DSTYK: variants seen among roughly 807,000 people sequenced by gnomAD.
DSTYK encodes the protein RIP-homologous kinase.
A neutral mutation model predicts 98.7 loss-of-function variants in DSTYK; 34 were observed. The ratio of observed to expected loss-of-function variants is 0.34; its 90% confidence interval spans 0.26 to 0.46. DSTYK has a LOEUF of 0.46. Among genes scored for constraint, DSTYK ranks in the 20% least tolerant of loss-of-function variants. The pLI is 1.00. For synonymous variants in DSTYK, 462 were observed against 457.3 expected, an observed-to-expected ratio of 1.01 and a Z score of -0.13; for missense variants, 962 against 1,181.7, an observed-to-expected ratio of 0.81 and a Z score of 2.73.
At chr1:205,198,961 A>G (rs1273505068) in intron 1 of DSTYK, among the ~76,000 whole-genome samples, 2 of 151,958 alleles carry the variant, frequency 1.3e-5, no homozygotes, top group Admixed American at 6.6e-5. Flanking sequence ...CCTCCCAGGC[A>G]CTAAAGCTCT....
intron 2 of DSTYK, among the ~76,000 whole-genome samples, chr1:205,180,611 T>C (rs991543207): frequency 6.6e-6 from 1 of 152,128 alleles, no homozygotes; most frequent in Non-Finnish European, 1.5e-5. Flanking sequence ...ACTACAGGCA[T>C]GTGCTACCAC....
intron 1 of DSTYK, among the ~76,000 whole-genome samples, chr1:205,196,400 T>C (rs1397134956): frequency 2.0e-5 from 3 of 151,912 alleles, no homozygotes; most frequent in South Asian, 2.1e-4. Context: ...CTACAAAAAA[T>C]TTAAAAATTA....
Position 205,196,513 on chromosome 1 carries a change from T to C in DSTYK, c.266-8707A>G, listed in dbSNP as rs112120241. Among the ~76,000 whole-genome samples the C allele has an allele frequency of 8.6e-3, 1,303 of 152,218 alleles. 21 individuals are homozygous for C. The highest frequency in any genetic ancestry group is 0.03 in the African/African-American group (1,247 of 41,526). The stretch of plus-strand genomic sequence containing the variant: ...AGGCTGCAGTGAGCTATGATCACAC[T>C]ACTGCGCTCCATCCAGCCTGGGTAA... On this transcript the variant is annotated intron_variant, in intron 1 of 12. Coordinates refer to ENST00000367162, the MANE Select transcript of DSTYK (RefSeq NM_015375.3).
chr1:205,211,375 T>A lies in DSTYK; in HGVS notation c.161A>T (p.Asp54Val). The A allele has an allele frequency of 1.9e-6, 3 of 1,612,694 alleles. 1 individual carries two copies. In the South Asian group the frequency reaches 3.3e-5, roughly 18 times the overall value. Residue 54 changes from aspartate to valine, a missense_variant, in exon 1 of 13, where the codon GAC (aspartate) becomes GTC (valine). Asp to Val is a radical substitution (Grantham distance 152). Around this residue, in one of 4 missense-constraint regions of DSTYK, gnomAD observed 168 missense variants for 120.0 expected, o/e 1.40. Transcript: ENST00000367162. ...NLRETQKFFR[D>V]IKCSHNHTCL... ...AGTGTGGTTGTGGGAGCACTTGATG[T>A]CGCGGAAGAACTTCTGGGTCTCGCG...
chr1:205,200,798 T>C (rs1052155708), intron 1 of DSTYK, among the ~76,000 whole-genome samples: 4 of 152,206 alleles, frequency 2.6e-5, no homozygotes, highest in African/African-American at 7.2e-5. Context: ...TGGTATTGCA[T>C]GCAAGTCATT....
At position 205,145,518 on chromosome 1, in the gene DSTYK, G is replaced by GTTTTTT. The variant is rs1183027458; in HGVS notation, c.*2034_*2039dup. 1.3e-5 allele frequency: 1 copy of GTTTTTT among 78,062 alleles called. No individual in the cohort carries two copies. Among genetic ancestry groups the GTTTTTT allele is most frequent in the Non-Finnish European group, 3.1e-5 (1 of 32,688 alleles). 4.8% of individuals were successfully genotyped at this position (78,062 alleles called of 1,614,324 possible). ...AGCAGCAGATGTGCGACTCATCTTTGTTTTTTGTTTTTTTTTTTGTTTTTT... is the reference window on the plus strand; with the variant it reads ...AGCAGCAGATGTGCGACTCATCTTTGTTTTTTTTTTTTGTTTTTTTTTTTGTTTTTT... On this transcript the variant is annotated 3_prime_UTR_variant, in exon 13 of 13. Coordinates refer to ENST00000367162, the MANE Select transcript of DSTYK (RefSeq NM_015375.3).
At chr1:205,163,133 A>G in intron 4 of DSTYK, 127 bp from the exon 5 acceptor site, 1 of 745,710 alleles carries the variant, frequency 1.3e-6, no homozygotes, top group South Asian at 1.5e-5. Flanking sequence ...CTCAATATAT[A>G]TGCAGAGTCA....
intron 3 of DSTYK, among the ~76,000 whole-genome samples, chr1:205,167,243 T>C (rs1027416095): frequency 3.2e-4 from 49 of 151,600 alleles, no homozygotes; most frequent in African/African-American, 1.2e-3. Flanking sequence ...TAAAAAAAAA[T>C]ACAAAAAGTT....
chr1:205,162,952 T>A lies in DSTYK; in HGVS notation c.1612A>T (p.Thr538Ser), dbSNP rs1301300372. 5 of 1,614,004 alleles carry A rather than the reference T, an allele frequency of 3.1e-6. No homozygotes were observed. Among genetic ancestry groups the A allele is most frequent in the African/African-American group, 2.7e-5 (2 of 74,932 alleles). The change falls in exon 5 of 13, where the codon ACA (threonine) becomes TCA (serine). Residue 538 changes from threonine (T) to serine (S), a missense_variant. Coordinates refer to ENST00000367162, the MANE Select transcript of DSTYK (RefSeq NM_015375.3). ...EVTFHSGSSV[T>S]RMLWEQIKQI... ...TTGATTTGCTCCCATAGCATCCTTG[T>A]AACTGACGACCCTGAGTGAAACGTG... is the stretch of plus-strand genomic sequence containing the variant.
At chr1:205,184,064 A>G (rs1345049086) in intron 2 of DSTYK, among the ~76,000 whole-genome samples, 2 of 152,108 alleles carry the variant, frequency 1.3e-5, no homozygotes, top group African/African-American at 2.4e-5. Context: ...GAGAAAGCTG[A>G]TTTGGTAACT....
chr1:205,147,781 G>C (rs774182666), intron 12 of DSTYK, 36 bp from the exon 13 acceptor site: 30 of 1,600,962 alleles, frequency 1.9e-5, no homozygotes, highest in African/African-American at 2.7e-5. Context: ...ATCACAGTGA[G>C]AGGGACCCAG....
intron 10 of DSTYK, among the ~76,000 whole-genome samples, chr1:205,151,611 T>C (rs1657406954): frequency 2.0e-5 from 3 of 151,728 alleles, no homozygotes; most frequent in Admixed American, 6.6e-5. Context: ...ACTATAGTTG[T>C]ATGCCACCAT....
At chr1:205,180,700 A>G (rs1474009597) in intron 2 of DSTYK, among the ~76,000 whole-genome samples, 2 of 152,134 alleles carry the variant, frequency 1.3e-5, no homozygotes, top group Admixed American at 6.6e-5. Flanking sequence ...CCTGAACTCA[A>G]GCGCTCTGCC....
intron 2 of DSTYK, among the ~76,000 whole-genome samples, chr1:205,187,216 A>G (rs1043544639): frequency 6.6e-6 from 1 of 152,226 alleles, no homozygotes; most frequent in African/African-American, 2.4e-5. Flanking sequence ...AGGGCCTTGC[A>G]GCATGGTAAG....
chr1:205,182,246 CA>C, intron 2 of DSTYK, among the ~76,000 whole-genome samples: 1 of 151,234 alleles, frequency 6.6e-6, no homozygotes, highest in South Asian at 2.1e-4. Flanking sequence ...ATAAAAAACA[CA>C]AAAATTAGTC....
chr1:205,183,432 TG>T (rs1320707148), intron 2 of DSTYK, among the ~76,000 whole-genome samples: 1 of 152,216 alleles, frequency 6.6e-6, no homozygotes, highest in Non-Finnish European at 1.5e-5. Context: ...TGTGGGTCCA[TG>T]TGAGTTGGCC....
intron 2 of DSTYK, among the ~76,000 whole-genome samples, chr1:205,179,386 C>T (rs1226001645): frequency 1.3e-5 from 2 of 151,098 alleles, no homozygotes; most frequent in East Asian, 1.9e-4. Context: ...TTTGGGAGGC[C>T]GATGTGGGTG....
intron 9 of DSTYK, 120 bp from the exon 10 acceptor site, chr1:205,157,506 G>T: frequency 1.4e-6 from 1 of 731,996 alleles, no homozygotes; most frequent in Non-Finnish European, 2.3e-6. Context: ...CGGGCACAGT[G>T]GCTCATGCCT....
rs770055080 is a variant in DSTYK, at chr1:205,211,401, C to G, written c.135G>C (p.Leu45=). The G allele has an allele frequency of 6.2e-7, 1 of 1,611,500 alleles. No homozygotes were observed. The highest frequency in any genetic ancestry group is 2.2e-5 in the East Asian group (1 of 44,794). The change falls in exon 1 of 13, where the codon CTG becomes CTC. Residue 45 remains leucine, a synonymous_variant. Transcript: ENST00000367162. ...CGCGGAAGAACTTCTGGGTCTCGCG[C>G]AGGTTCTGTCGCAGCCGTCCCAGGT... ...RRYLGRLRQN[L]RETQKFFRDI...
Sources: allele counts gnomAD v4.1 joint callset (sites outside exome capture counted in the v4.1 genomes callset), GRCh38; gene constraint gnomAD v4.1.1; regional missense constraint gnomAD v4.1.1; transcripts MANE v1.5; gene names NCBI Gene and HGNC (gene_info 2026-07-23, HGNC 2026-07-21).